TRIM44: variants seen among roughly 807,000 people sequenced by gnomAD.
The protein encoded by TRIM44 is tripartite motif-containing protein 44.
TRIM44 carries 13 observed loss-of-function variants against 37.4 expected under a neutral mutation model. That is an observed-to-expected ratio of 0.35 (90% CI 0.23 to 0.55). The LOEUF (loss-of-function observed/expected upper bound fraction) is 0.55, where lower values mean the gene tolerates loss of function less well. Among genes scored for constraint, TRIM44 ranks in the 20% least tolerant of loss-of-function variants. The pLI is 0.89. For missense variants in TRIM44, 426 were observed against 437.2 expected (o/e 0.97, Z 0.23); for synonymous variants, 175 against 157.2 (o/e 1.11, Z -0.85).
chr11:35,814,630 T>G lies in TRIM44; in HGVS notation c.*8245T>G, dbSNP rs1853561703. ...CTGTAAAAACATGTGCCACGCTGAT[T>G]ATATATAGAGATGGTCTAAATCAGC... On this transcript the variant is annotated 3_prime_UTR_variant, in exon 5 of 5. Coordinates refer to ENST00000299413, the MANE Select transcript of TRIM44 (RefSeq NM_017583.6). The G allele has an allele frequency of 6.6e-6, 1 of 152,158 alleles. No individual in the cohort carries two copies. Among genetic ancestry groups the G allele is most frequent in the African/African-American group, 2.4e-5 (1 of 41,432 alleles). The allele number at this position is 152,158 out of a possible 1,614,324, so 9.4% of individuals were successfully genotyped here.
intron 4 of TRIM44, among the ~76,000 whole-genome samples, chr11:35,796,402 A>G (rs1853290723): frequency 6.6e-6 from 1 of 152,220 alleles, no homozygotes; most frequent in African/African-American, 2.4e-5. Flanking sequence ...ACAGCAGCTG[A>G]GGCAACAGGA....
intron 4 of TRIM44, among the ~76,000 whole-genome samples, chr11:35,754,707 A>G (rs1001883655): frequency 2.4e-5 from 3 of 125,702 alleles, no homozygotes; most frequent in Admixed American, 1.1e-4. Context: ...TCCTGTGTCC[A>G]TGAGTTCGCA....
At chr11:35,759,759 C>T (rs1462487994) in intron 4 of TRIM44, among the ~76,000 whole-genome samples, 1 of 152,174 alleles carries the variant, frequency 6.6e-6, no homozygotes, top group Non-Finnish European at 1.5e-5. Flanking sequence ...CCTGGAGGTC[C>T]ACTCCAGACC....
intron 4 of TRIM44, among the ~76,000 whole-genome samples, chr11:35,776,459 T>G (rs2133869049): frequency 6.6e-6 from 1 of 152,324 alleles, no homozygotes. Flanking sequence ...TCTATCTCCT[T>G]CAGTTCTGTT....
intron 4 of TRIM44, among the ~76,000 whole-genome samples, chr11:35,743,841 C>T (rs573558562): frequency 1.1e-4 from 16 of 152,250 alleles, no homozygotes; most frequent in East Asian, 1.9e-4. Context: ...GATACCTTGG[C>T]GTGAACTAGA....
At chr11:35,699,863 A>T (rs571936894) in intron 2 of TRIM44, among the ~76,000 whole-genome samples, 1 of 152,106 alleles carries the variant, frequency 6.6e-6, no homozygotes, top group African/African-American at 2.4e-5. Context: ...CTTCAAAGAG[A>T]CTAAAATATC....
At position 35,684,538 on chromosome 11, in the gene TRIM44, A is replaced by G. The variant is rs926505536; in HGVS notation, c.670-721A>G. On this transcript the variant is annotated intron_variant, in intron 1 of 4. Transcript: ENST00000299413. ...TTAAAACACTTTCAGTTAGGCCCCA[A>G]AATAGCCCAGTTTATTATCACTATT... Among the ~76,000 whole-genome samples, 5 of 152,336 alleles carry G rather than the reference A, an allele frequency of 3.3e-5. No individual in the cohort carries two copies. In the South Asian group the frequency reaches 6.2e-4, roughly 19 times the overall value.
chr11:35,796,258 C>T (rs1223128766), intron 4 of TRIM44, among the ~76,000 whole-genome samples: 3 of 152,268 alleles, frequency 2.0e-5, no homozygotes, highest in East Asian at 1.9e-4. Flanking sequence ...CTGCCTCGCT[C>T]GCTCGCTGTC....
chr11:35,695,296 GT>G (rs931878882), intron 2 of TRIM44, among the ~76,000 whole-genome samples: 1 of 152,102 alleles, frequency 6.6e-6, no homozygotes, highest in Non-Finnish European at 1.5e-5. Context: ...AATACCAGTA[GT>G]TTCTTCAAAC....
intron 3 of TRIM44, among the ~76,000 whole-genome samples, chr11:35,729,978 A>C (rs1852233932): frequency 6.6e-6 from 1 of 152,220 alleles, no homozygotes; most frequent in South Asian, 2.1e-4. Flanking sequence ...CCCTGTCTCA[A>C]AAATAAAATG....
intron 2 of TRIM44, among the ~76,000 whole-genome samples, chr11:35,698,198 G>T (rs906797212): frequency 3.4e-5 from 5 of 148,374 alleles, no homozygotes; most frequent in African/African-American, 1.2e-4. Context: ...TTGGACATTT[G>T]GGTTGGTTCC....
chr11:35,795,479 T>C (rs1015575301), intron 4 of TRIM44, among the ~76,000 whole-genome samples: 2 of 151,918 alleles, frequency 1.3e-5, no homozygotes, highest in African/African-American at 4.8e-5. Context: ...TAGGACATGC[T>C]ATTGGACTCA....
In TRIM44 at chr11:35,662,948, C is replaced by A. The variant is rs778059523; in HGVS notation, c.-164C>A. 3.3e-6 allele frequency: 4 copies of A among 1,222,296 alleles called. No individual in the cohort carries two copies. Among genetic ancestry groups the A allele is most frequent in the Non-Finnish European group, 4.3e-6 (4 of 938,640 alleles). 75.7% of individuals were successfully genotyped at this position (1,222,296 alleles called of 1,614,324 possible). A position where few individuals can be genotyped will look rare whatever the true frequency, so the allele number is the denominator to read the frequency against. ...AAGGGTCTTTGCTGCTGCGCCCGGG[C>A]AGGGGCTGCCGCGGCCCCAGGTCCC... On this transcript the variant is annotated 5_prime_UTR_variant, in exon 1 of 5. Coordinates refer to ENST00000299413, the MANE Select transcript of TRIM44 (RefSeq NM_017583.6).
chr11:35,806,553 T>C lies in TRIM44; in HGVS notation c.*168T>C. On this transcript the variant is annotated 3_prime_UTR_variant, in exon 5 of 5. Transcript: ENST00000299413. Reference sequence around the variant, plus strand: ...CATATCTCTCCAAGGGATGACCAGTTTTATGCTTACTGTGTGCTTCTCATC... The same window carrying C: ...CATATCTCTCCAAGGGATGACCAGTCTTATGCTTACTGTGTGCTTCTCATC... The C allele has an allele frequency of 1.4e-6, 1 of 695,502 alleles. No homozygotes were observed. Among genetic ancestry groups the C allele is most frequent in the East Asian group, 2.7e-5 (1 of 37,260 alleles). The allele number at this position is 695,502 out of a possible 1,614,324, so 43.1% of individuals were successfully genotyped here. A position where few individuals can be genotyped will look rare whatever the true frequency, so the allele number is the denominator to read the frequency against.
intron 2 of TRIM44, among the ~76,000 whole-genome samples, chr11:35,686,538 TTTTG>T (rs749402169): frequency 3.5e-4 from 54 of 152,130 alleles, no homozygotes; most frequent in Admixed American, 2.0e-3. Context: ...CACTTTGGTT[TTTTG>T]TTTGTTTGTT....
chr11:35,814,155 G>A lies in TRIM44; in HGVS notation c.*7770G>A, dbSNP rs761025584. 6.6e-6 allele frequency: 1 copy of A among 152,158 alleles called. No individual in the cohort carries two copies. The highest frequency in any genetic ancestry group is 6.5e-5 in the Admixed American group (1 of 15,274). The allele number at this position is 152,158 out of a possible 1,614,324, so 9.4% of individuals were successfully genotyped here. A position where few individuals can be genotyped will look rare whatever the true frequency, so the allele number is the denominator to read the frequency against. On this transcript the variant is annotated 3_prime_UTR_variant, in exon 5 of 5. Coordinates refer to ENST00000299413, the MANE Select transcript of TRIM44 (RefSeq NM_017583.6). ...ATTGGAGCATAATAAAAAGAAACTG[G>A]ACCTCAGCGCAAGTTGAGTGTTACA...
intron 1 of TRIM44, among the ~76,000 whole-genome samples, chr11:35,669,429 G>C (rs1851366652): frequency 6.6e-6 from 1 of 151,856 alleles, no homozygotes; most frequent in South Asian, 2.1e-4. Flanking sequence ...AGGTGAGAGG[G>C]TCCCAAGTCT....
In TRIM44 at chr11:35,675,091, A is replaced by G. The variant is rs1188179956; in HGVS notation, c.670-10168A>G. ...TTTCCATGTCTTTCCCTGGTGGGTT[A>G]TAAATTCTTTAAGGCTAGAACTATA... On this transcript the variant is annotated intron_variant, in intron 1 of 4. Transcript: ENST00000299413. 3.3e-5 allele frequency among the ~76,000 whole-genome samples: 5 copies of G among 152,198 alleles called. No individual in the cohort carries two copies. In the East Asian group the frequency reaches 9.6e-4, roughly 29 times the overall value.
At chr11:35,674,488 A>T (rs748290832) in intron 1 of TRIM44, among the ~76,000 whole-genome samples, 1 of 152,200 alleles carries the variant, frequency 6.6e-6, no homozygotes, top group Non-Finnish European at 1.5e-5. Flanking sequence ...TGTATACTAT[A>T]ATGTGCTAGA....
Sources: allele counts gnomAD v4.1 joint callset (sites outside exome capture counted in the v4.1 genomes callset), GRCh38; gene constraint gnomAD v4.1.1; transcripts MANE v1.5; gene names NCBI Gene and HGNC (gene_info 2026-07-23, HGNC 2026-07-21).